The following ATP2C2 variants were observed in gnomAD, a reference collection of about 807,000 sequenced individuals.
The protein encoded by ATP2C2 is ATPase secretory pathway Ca2+ transporting 2, also known as calcium-transporting ATPase type 2C member 2.
ATP2C2 carries 171 observed loss-of-function variants against 110.8 expected under a neutral mutation model. The observed-to-expected ratio is 1.54, with a 90% CI of 1.36 to 1.75. The LOEUF (loss-of-function observed/expected upper bound fraction) is 1.75, where lower values mean the gene tolerates loss of function less well. Ranked by LOEUF, ATP2C2 falls within the 40% of genes most tolerant of loss-of-function variation. The probability of loss-of-function intolerance (pLI) is 0.00; values close to 1 mark genes in which losing one functional copy is unlikely to be tolerated. For missense variants in ATP2C2, 1,963 were observed against 1,235.0 expected (o/e 1.59, Z -8.84); for synonymous variants, 804 against 508.4 (o/e 1.58, Z -7.82).
At chr16:84,445,835 T>C (rs752384219) in intron 15 of ATP2C2, among the ~76,000 whole-genome samples, 1 of 152,186 alleles carries the variant, frequency 6.6e-6, no homozygotes, top group Non-Finnish European at 1.5e-5. Flanking sequence ...GTGGGATGCA[T>C]GGGTCATGAC....
rs540241399 is a variant in ATP2C2 at position 84,459,705 on chromosome 16, C to G, written c.2333+319C>G. 199 of 917,044 alleles carry G rather than the reference C, an allele frequency of 2.2e-4. No homozygotes were observed. The African/African-American group carries it at 3.0e-3, about 14-fold the overall frequency. The allele number at this position is 917,044 out of a possible 1,614,324, so 56.8% of individuals were successfully genotyped here. ...AGTCACTGCCTTCAGGAAGTCTTCC[C>G]TGATTGCACTCCCACTCAATCCCCT... is the stretch of plus-strand genomic sequence containing the variant. On this transcript the variant is annotated intron_variant, in intron 23 of 26. Transcript: ENST00000262429.
chr16:84,408,290 C>A (rs1905955701), intron 3 of ATP2C2, 115 bp from the exon 4 acceptor site: 2 of 964,728 alleles, frequency 2.1e-6, no homozygotes, highest in South Asian at 1.4e-5. Context: ...ATGGTGTTGA[C>A]CTGGAAGCCT....
intron 18 of ATP2C2, among the ~76,000 whole-genome samples, 173 bp from the exon 19 acceptor site, chr16:84,452,965 T>A (rs796778416): frequency 1.4e-4 from 22 of 152,278 alleles, no homozygotes; most frequent in African/African-American, 5.3e-4. Context: ...ATGAGGCGTT[T>A]GGTGTAAGTT....
chr16:84,445,281 T>G (rs975438799), intron 15 of ATP2C2, among the ~76,000 whole-genome samples: 1 of 151,186 alleles, frequency 6.6e-6, no homozygotes, highest in African/African-American at 2.4e-5. Flanking sequence ...TGATCTCCGC[T>G]CACTGCAACC....
At chr16:84,452,168 A>G in intron 18 of ATP2C2, 77 bp downstream of exon 18, 1 of 1,568,594 alleles carries the variant, frequency 6.4e-7, no homozygotes, top group South Asian at 1.1e-5. Context: ...ACCAAAGGGA[A>G]GCCTCCGCAA....
At chr16:84,415,391 G>A (rs929056886) in intron 6 of ATP2C2, 92 bp from the exon 7 acceptor site, 3 of 1,066,788 alleles carry the variant, frequency 2.8e-6, no homozygotes, top group Non-Finnish European at 4.4e-6. Flanking sequence ...AAAGAGAAAA[G>A]TGTGTTTCTA....
At position 84,446,438 on chromosome 16, in the gene ATP2C2, C is replaced by T. The variant is rs771199637; in HGVS notation, c.1503+8C>T. 2 of 1,564,124 alleles carry T rather than the reference C, an allele frequency of 1.3e-6. No individual in the cohort carries two copies. The highest frequency in any genetic ancestry group is 1.7e-6 in the Non-Finnish European group (2 of 1,153,852). Reference sequence around the variant, plus strand: ...TGCAGTCTGAAGACTGAGGTGAGACCTTTCAATCTTCAACCTCTTCTCTCT... The same window carrying T: ...TGCAGTCTGAAGACTGAGGTGAGACTTTTCAATCTTCAACCTCTTCTCTCT... On this transcript the variant is annotated splice_region_variant and intron_variant, in intron 16 of 26. Coordinates refer to ENST00000262429, the MANE Select transcript of ATP2C2 (RefSeq NM_014861.4).
At chr16:84,460,314 G>A (rs755284416) in intron 23 of ATP2C2, 14 of 370,526 alleles carry the variant, frequency 3.8e-5, no homozygotes, top group East Asian at 2.0e-4. Flanking sequence ...TGCGGAGGGC[G>A]GAGCCTGGAG....
At position 84,415,620 on chromosome 16, in the gene ATP2C2, G is replaced by A. The variant is rs992705005; in HGVS notation, c.624+29G>A. On this transcript the variant is annotated intron_variant, in intron 7 of 26. Transcript: ENST00000262429. ...AGTGGTTCCAAACCCTTGTCAATGG[G>A]GTATTTGATGGAGCTGGTCAAGGAG... 3.2e-6 allele frequency: 5 copies of A among 1,559,124 alleles called. No individual in the cohort carries two copies. The Admixed American group carries it at 7.1e-5, about 22-fold the overall frequency.
chr16:84,380,043 A>G (rs1008250032), intron 1 of ATP2C2, among the ~76,000 whole-genome samples: 1 of 152,066 alleles, frequency 6.6e-6, no homozygotes, highest in Non-Finnish European at 1.5e-5. Context: ...TATTATTTTC[A>G]TTTTTTATAT....
intron 11 of ATP2C2, among the ~76,000 whole-genome samples, chr16:84,437,706 G>A (rs148987365): frequency 2.8e-4 from 42 of 152,102 alleles, no homozygotes; most frequent in African/African-American, 1.0e-3. Flanking sequence ...AGTAGAGATG[G>A]GGTTTCACCA....
intron 16 of ATP2C2, among the ~76,000 whole-genome samples, chr16:84,446,848 A>C (rs1909796900): frequency 6.6e-6 from 1 of 152,158 alleles, no homozygotes; most frequent in East Asian, 1.9e-4. Flanking sequence ...ACCAGTCGCC[A>C]ACTTGCCAGT....
intron 11 of ATP2C2, among the ~76,000 whole-genome samples, chr16:84,433,415 A>AG (rs1908456451): frequency 6.6e-6 from 1 of 151,476 alleles, no homozygotes; most frequent in Non-Finnish European, 1.5e-5. Context: ...CCAAAAAACC[A>AG]AAAAAATCTC....
chr16:84,374,911 G>A (rs1000475995), intron 1 of ATP2C2, among the ~76,000 whole-genome samples: 1 of 152,182 alleles, frequency 6.6e-6, no homozygotes, highest in Non-Finnish European at 1.5e-5. Context: ...GGAATTAGCA[G>A]AAAGCTTATT....
chr16:84,390,840 G>A (rs923828649), intron 1 of ATP2C2, among the ~76,000 whole-genome samples: 4 of 152,160 alleles, frequency 2.6e-5, no homozygotes, highest in South Asian at 2.1e-4. Context: ...GGGGCCGGGC[G>A]CGGTGGCTCA....
intron 11 of ATP2C2, among the ~76,000 whole-genome samples, chr16:84,437,748 T>G (rs1238954950): frequency 6.6e-6 from 1 of 152,184 alleles, no homozygotes; most frequent in Non-Finnish European, 1.5e-5. Flanking sequence ...ACTCCTGACC[T>G]CAGGTGATCT....
At chr16:84,383,934 C>T (rs754483311) in intron 1 of ATP2C2, among the ~76,000 whole-genome samples, 4 of 151,786 alleles carry the variant, frequency 2.6e-5, no homozygotes, top group African/African-American at 4.8e-5. Flanking sequence ...GGACTACAGG[C>T]ATGTGCCACC....
intron 7 of ATP2C2, among the ~76,000 whole-genome samples, chr16:84,416,980 C>G (rs1173639741): frequency 1.3e-5 from 2 of 152,176 alleles, no homozygotes; most frequent in African/African-American, 2.4e-5. Context: ...ACAGGTCCGC[C>G]ACAAGGGCTG....
At chr16:84,401,561 T>A (rs1168399118) in intron 2 of ATP2C2, among the ~76,000 whole-genome samples, 1 of 152,198 alleles carries the variant, frequency 6.6e-6, no homozygotes, top group Non-Finnish European at 1.5e-5. Flanking sequence ...GATTTTGTTT[T>A]CCTGGTACCA....
Sources: allele counts gnomAD v4.1 joint callset (sites outside exome capture counted in the v4.1 genomes callset), GRCh38; gene constraint gnomAD v4.1.1; transcripts MANE v1.5; gene names NCBI Gene and HGNC (gene_info 2026-07-23, HGNC 2026-07-21).